UBAP2: variants seen among roughly 807,000 people sequenced by gnomAD.
The protein encoded by UBAP2 is ubiquitin associated protein 2.
In UBAP2, 75 loss-of-function variants were observed where a neutral mutation model predicts 139.6. The observed-to-expected ratio is 0.54, with a 90% CI of 0.45 to 0.65. UBAP2 has a LOEUF of 0.65. UBAP2 is among the 30% of genes least tolerant of loss of function. The pLI, the probability that UBAP2 is intolerant of heterozygous loss-of-function variation, is 0.00. For synonymous variants in UBAP2, 526 were observed against 526.2 expected (o/e 1.00, Z 0.01); for missense variants, 1,368 against 1,369.6 (o/e 1.00, Z 0.02).
chr9:33,979,364 T>C (rs1291952737), intron 6 of UBAP2, among the ~76,000 whole-genome samples: 1 of 152,170 alleles, frequency 6.6e-6, no homozygotes, highest in Non-Finnish European at 1.5e-5. Flanking sequence ...AGAAGAGTAA[T>C]TTAAATACAC....
intron 8 of UBAP2, among the ~76,000 whole-genome samples, chr9:33,971,296 A>G (rs993557661): frequency 6.6e-6 from 1 of 152,212 alleles, no homozygotes; most frequent in Non-Finnish European, 1.5e-5. Flanking sequence ...TGGCCAAAGA[A>G]TCCACCATTA....
At chr9:33,971,024 A>T (rs1040032842) in intron 8 of UBAP2, among the ~76,000 whole-genome samples, 4 of 152,106 alleles carry the variant, frequency 2.6e-5, no homozygotes, top group Non-Finnish European at 5.9e-5. Context: ...GCTGGTCTCG[A>T]ACTCCTGACC....
chr9:34,021,193 G>T (rs1824911140), intron 1 of UBAP2, among the ~76,000 whole-genome samples: 1 of 152,046 alleles, frequency 6.6e-6, no homozygotes, highest in Admixed American at 6.6e-5. Context: ...AGCCAGAAAA[G>T]GTCTGACAAG....
rs573761682 is a variant in UBAP2 at position 33,983,830 on chromosome 9, T to G, written c.520+2930A>C. On this transcript the variant is annotated intron_variant, in intron 6 of 28. Coordinates refer to ENST00000379238, the MANE Select transcript of UBAP2 (RefSeq NM_001370062.2). ...AAAAATACTAAGCAGTTTCAGCTTG[T>G]GGAAGACAGAATTATACTTGGTTTT... 2.0e-5 allele frequency among the ~76,000 whole-genome samples: 3 copies of G among 152,304 alleles called. No individual in the cohort carries two copies. In the South Asian group the frequency reaches 6.2e-4, roughly 32 times the overall value.
chr9:34,043,973 C>T (rs544430884), intron 1 of UBAP2, among the ~76,000 whole-genome samples: 77 of 149,330 alleles, frequency 5.2e-4, no homozygotes, highest in Middle Eastern at 3.5e-3. Context: ...ACAAAAAATA[C>T]GAAAATTATC....
At chr9:33,924,056 C>T in intron 23 of UBAP2, 56 bp from the exon 24 acceptor site, 3 of 1,604,548 alleles carry the variant, frequency 1.9e-6, no homozygotes, top group Non-Finnish European at 1.7e-6. Flanking sequence ...AGAAAGGCCA[C>T]ACTGGCTTCT....
chr9:34,047,563 G>A (rs1187679886), intron 1 of UBAP2, among the ~76,000 whole-genome samples: 1 of 152,118 alleles, frequency 6.6e-6, no homozygotes, highest in Admixed American at 6.6e-5. Context: ...ATAACTAGTC[G>A]CATACCCCTT....
chr9:33,939,860 GA>G lies in UBAP2; in HGVS notation c.1929+1788del, dbSNP rs573630715. 2.3e-3 allele frequency among the ~76,000 whole-genome samples: 5 copies of G among 2,180 alleles called. 1 individual carries two copies. Among genetic ancestry groups the G allele is most frequent in the Non-Finnish European group, 7.3e-3 (4 of 548 alleles). The allele number at this position is 2,180 out of a possible 152,430, so 1.4% of individuals were successfully genotyped here. A position where few individuals can be genotyped will look rare whatever the true frequency, so the allele number is the denominator to read the frequency against. ...GGGGGAGGGGGAGGAGGGGGAGGGG[GA>G]GGAGGAGGAGGAGGGGAGGAGGAGG... On this transcript the variant is annotated intron_variant, in intron 16 of 28. Transcript: ENST00000379238.
At chr9:34,014,090 A>C (rs1041053086) in intron 2 of UBAP2, among the ~76,000 whole-genome samples, 21 of 151,648 alleles carry the variant, frequency 1.4e-4, no homozygotes, top group African/African-American at 5.1e-4. Context: ...TGGGAGATCA[A>C]GGGGGGGACA....
intron 13 of UBAP2, 36 bp downstream of exon 13, chr9:33,948,338 T>C (rs377553213): frequency 1.0e-5 from 16 of 1,532,186 alleles, no homozygotes; most frequent in Non-Finnish European, 1.2e-5. Context: ...TGAAACGTCC[T>C]CAGTAGGGGC....
chr9:33,944,580 G>A lies in UBAP2; in HGVS notation c.1330C>T (p.His444Tyr), dbSNP rs1319053768. Reference protein sequence around the residue: ...VLSQLSQRQQHQSQAVTVPPP... With the variant: ...VLSQLSQRQQYQSQAVTVPPP... ...GGAACAGTGACTGCCTGGCTCTGGTGCTGTTGTCGCTGGCTCAACTGGCTA... is the reference window on the plus strand; with the variant it reads ...GGAACAGTGACTGCCTGGCTCTGGTACTGTTGTCGCTGGCTCAACTGGCTA... The change falls in exon 14 of 29, where the codon CAC becomes TAC. Residue 444 changes from histidine to tyrosine, a missense_variant. Transcript: ENST00000379238. 3.1e-6 allele frequency: 5 copies of A among 1,614,164 alleles called. No individual in the cohort carries two copies. Among genetic ancestry groups the A allele is most frequent in the Non-Finnish European group, 4.2e-6 (5 of 1,180,042 alleles).
chr9:34,025,829 C>CA (rs1246670737), intron 1 of UBAP2, among the ~76,000 whole-genome samples: 1 of 152,204 alleles, frequency 6.6e-6, no homozygotes, highest in Non-Finnish European at 1.5e-5. Context: ...ATCCTCCCAC[C>CA]TTGGCCTCCC....
At chr9:33,936,904 G>A (rs1335078660) in intron 16 of UBAP2, among the ~76,000 whole-genome samples, 1 of 122,262 alleles carries the variant, frequency 8.2e-6, no homozygotes, top group African/African-American at 3.0e-5. Flanking sequence ...ACCACCCTGG[G>A]CACTGTAGCA....
At chr9:34,036,965 T>C (rs934172895) in intron 1 of UBAP2, among the ~76,000 whole-genome samples, 18 of 148,846 alleles carry the variant, frequency 1.2e-4, no homozygotes, top group Admixed American at 8.8e-4. Flanking sequence ...TATAGGCATG[T>C]GCCACCACAC....
intron 2 of UBAP2, among the ~76,000 whole-genome samples, chr9:34,007,335 A>C (rs1268164354): frequency 1.3e-5 from 2 of 152,064 alleles, no homozygotes; most frequent in African/African-American, 4.8e-5. Context: ...TGTCTCTTCA[A>C]AAAATAAAAC....
intron 6 of UBAP2, among the ~76,000 whole-genome samples, chr9:33,984,262 C>G (rs1587612997): frequency 1.3e-5 from 2 of 152,126 alleles, no homozygotes; most frequent in African/African-American, 4.8e-5. Context: ...AAGGAAGTAT[C>G]ATCTAAGAAA....
intron 5 of UBAP2, among the ~76,000 whole-genome samples, chr9:33,988,097 T>C (rs1013101794): frequency 2.0e-5 from 3 of 152,186 alleles, no homozygotes; most frequent in African/African-American, 7.2e-5. Flanking sequence ...CTTCCCATAA[T>C]TTGCATCTCT....
intron 4 of UBAP2, chr9:33,995,384 T>C (rs1209159447): frequency 7.3e-6 from 1 of 137,032 alleles, no homozygotes; most frequent in Non-Finnish European, 1.5e-5. Context: ...TAAATATATA[T>C]ATTAAATATA....
chr9:34,015,735 G>A (rs575904011), intron 2 of UBAP2, among the ~76,000 whole-genome samples: 2 of 152,112 alleles, frequency 1.3e-5, no homozygotes, highest in African/African-American at 2.4e-5. Context: ...GTCTCACTCT[G>A]TCACCCAGGC....
Sources: gnomAD v4.1 joint callset for allele counts (sites outside exome capture counted in the v4.1 genomes callset) on GRCh38, gnomAD v4.1.1 for gene constraint, MANE v1.5 for transcripts, NCBI Gene and HGNC (gene_info 2026-07-23, HGNC 2026-07-21) for gene names.